Variants in RNF180 observed in about 807,000 individuals in gnomAD.
The protein encoded by RNF180 is ring finger protein 180, also known as E3 ubiquitin-protein ligase RNF180.
Under a neutral mutation model 59.2 loss-of-function variants are expected in RNF180, and 38 were observed. The observed-to-expected ratio is 0.64, with a 90% CI of 0.50 to 0.84. The LOEUF (loss-of-function observed/expected upper bound fraction) is 0.84. Ranked by LOEUF, RNF180 falls within the 40% of genes least tolerant of loss-of-function variation. RNF180 has a pLI of 0.00. For synonymous variants in RNF180, 262 were observed against 240.3 expected, an observed-to-expected ratio of 1.09 and a Z score of -0.84; for missense variants, 705 against 700.9, an observed-to-expected ratio of 1.01 and a Z score of -0.07.
intron 5 of RNF180, among the ~76,000 whole-genome samples, chr5:64,296,228 T>C (rs1742876067): frequency 6.6e-6 from 1 of 152,146 alleles, no homozygotes; most frequent in Admixed American, 6.6e-5. Context: ...GATTAGCCCC[T>C]GATATTTACC....
At position 64,311,819 on chromosome 5, in the gene RNF180, G is replaced by A. The variant is rs1743782096; in HGVS notation, c.1228-13367G>A. Among the ~76,000 whole-genome samples, 4 of 151,898 alleles carry A rather than the reference G, an allele frequency of 2.6e-5. 1 individual carries two copies. In the South Asian group the frequency reaches 8.3e-4, roughly 32 times the overall value. On this transcript the variant is annotated intron_variant, in intron 5 of 7. Coordinates refer to ENST00000389100, the MANE Select transcript of RNF180 (RefSeq NM_001113561.2). ...ATTTATAGCCATAACCATGTGCTCTGATTAGATTAAATGATTTAGTGTCAG... is the reference window on the plus strand; with the variant it reads ...ATTTATAGCCATAACCATGTGCTCTAATTAGATTAAATGATTTAGTGTCAG...
At chr5:64,279,782 A>G (rs1741912216) in intron 5 of RNF180, among the ~76,000 whole-genome samples, 1 of 152,162 alleles carries the variant, frequency 6.6e-6, no homozygotes, top group Non-Finnish European at 1.5e-5. Flanking sequence ...TTTATTACCA[A>G]TATGTCCTCA....
At chr5:64,306,382 G>A (rs528811796) in intron 5 of RNF180, among the ~76,000 whole-genome samples, 10 of 151,726 alleles carry the variant, frequency 6.6e-5, no homozygotes, top group Non-Finnish European at 1.3e-4. Flanking sequence ...CATTAATTTA[G>A]GTGTCTGTTT....
intron 1 of RNF180, among the ~76,000 whole-genome samples, chr5:64,193,278 T>A (rs1751276688): frequency 6.6e-6 from 1 of 152,104 alleles, no homozygotes; most frequent in South Asian, 2.1e-4. Context: ...ATAGATTTCA[T>A]TTTAAGTGTT....
chr5:64,298,229 G>A (rs1172346313), intron 5 of RNF180, among the ~76,000 whole-genome samples: 1 of 152,018 alleles, frequency 6.6e-6, no homozygotes, highest in Non-Finnish European at 1.5e-5. Context: ...GTATTCCATG[G>A]TGTAAATGTA....
intron 5 of RNF180, among the ~76,000 whole-genome samples, chr5:64,268,074 C>A (rs1177956666): frequency 6.6e-6 from 1 of 152,182 alleles, no homozygotes; most frequent in Non-Finnish European, 1.5e-5. Flanking sequence ...TTTCTTGAAA[C>A]ATGATTACAA....
At chr5:64,354,443 T>C (rs540935217) in intron 7 of RNF180, among the ~76,000 whole-genome samples, 3 of 151,936 alleles carry the variant, frequency 2.0e-5, no homozygotes, top group East Asian at 3.9e-4. Flanking sequence ...AGTAAAAAGA[T>C]TGAATCAGTA....
At chr5:64,369,281 A>C (rs1039140284) in intron 7 of RNF180, among the ~76,000 whole-genome samples, 37 of 152,028 alleles carry the variant, frequency 2.4e-4, no homozygotes, top group Middle Eastern at 3.4e-3. Flanking sequence ...GGACACAGGA[A>C]GGGGAACATC....
chr5:64,174,000 C>T (rs1750093863), intron 1 of RNF180, among the ~76,000 whole-genome samples: 1 of 152,152 alleles, frequency 6.6e-6, no homozygotes, highest in Non-Finnish European at 1.5e-5. Context: ...AGGCGTGAGC[C>T]ACCACACCTG....
chr5:64,243,174 C>A (rs1742900796), intron 5 of RNF180, among the ~76,000 whole-genome samples: 1 of 152,194 alleles, frequency 6.6e-6, no homozygotes, highest in Non-Finnish European at 1.5e-5. Flanking sequence ...TTTGAGCAGA[C>A]ATTGAGCTAC....
chr5:64,337,223 T>G lies in RNF180; in HGVS notation c.1579+6817T>G, dbSNP rs539733608. Among the ~76,000 whole-genome samples the G allele has an allele frequency of 4.6e-5, 7 of 152,252 alleles. No homozygotes were observed. In the South Asian group the frequency reaches 1.4e-3, roughly 31 times the overall value. On this transcript the variant is annotated intron_variant, in intron 7 of 7. Coordinates refer to ENST00000389100, the MANE Select transcript of RNF180 (RefSeq NM_001113561.2). ...CAGGCTCTCACTATGTTGCCTAGGC[T>G]GGTCTTGAACTCCTAGCTCAAGCAA...
intron 5 of RNF180, among the ~76,000 whole-genome samples, chr5:64,308,021 G>C (rs1743563847): frequency 6.6e-6 from 1 of 151,708 alleles, no homozygotes; most frequent in African/African-American, 2.4e-5. Context: ...TGATTAGAAA[G>C]CTTAATAGTA....
intron 2 of RNF180, among the ~76,000 whole-genome samples, chr5:64,210,642 C>G (rs1197371897): frequency 6.6e-6 from 1 of 152,086 alleles, no homozygotes; most frequent in Admixed American, 6.6e-5. Flanking sequence ...TTCAAAAGAC[C>G]TATTAGTCTG....
intron 5 of RNF180, among the ~76,000 whole-genome samples, chr5:64,246,207 A>G (rs1743151805): frequency 1.3e-5 from 2 of 152,156 alleles, no homozygotes; most frequent in South Asian, 4.1e-4. Context: ...AATTAAAAGT[A>G]CTAGAGAAAC....
intron 6 of RNF180, among the ~76,000 whole-genome samples, chr5:64,327,489 T>G (rs746298313): frequency 2.0e-5 from 3 of 152,212 alleles, no homozygotes; most frequent in Non-Finnish European, 2.9e-5. Context: ...ATTTCTATTT[T>G]CACTTGTTTC....
At chr5:64,332,005 G>T (rs184483952) in intron 7 of RNF180, among the ~76,000 whole-genome samples, 1 of 152,122 alleles carries the variant, frequency 6.6e-6, no homozygotes, top group African/African-American at 2.4e-5. Context: ...TCCCTGCCCC[G>T]CCACAGCAGC....
At chr5:64,213,002 A>T (rs1752387928) in intron 3 of RNF180, among the ~76,000 whole-genome samples, 1 of 152,232 alleles carries the variant, frequency 6.6e-6, no homozygotes, top group Non-Finnish European at 1.5e-5. Flanking sequence ...AGTTGGAAAG[A>T]TAATTTTAAG....
intron 7 of RNF180, among the ~76,000 whole-genome samples, chr5:64,332,307 C>T (rs559205846): frequency 7.2e-5 from 11 of 152,302 alleles, no homozygotes; most frequent in African/African-American, 2.4e-5. Flanking sequence ...CCTAATAATG[C>T]GTTCATTAGC....
chr5:64,234,187 C>T (rs1742264597), intron 5 of RNF180, among the ~76,000 whole-genome samples: 2 of 152,108 alleles, frequency 1.3e-5, no homozygotes, highest in African/African-American at 4.8e-5. Context: ...GTTTACTAAC[C>T]AAGCACAGTG....
Sources: gnomAD v4.1 joint callset for allele counts (sites outside exome capture counted in the v4.1 genomes callset) on GRCh38, gnomAD v4.1.1 for gene constraint, MANE v1.5 for transcripts, NCBI Gene and HGNC (gene_info 2026-07-23, HGNC 2026-07-21) for gene names.